MTR: variants seen among roughly 807,000 people sequenced by gnomAD.
MTR encodes the protein methionine synthase.
Under a neutral mutation model 154.8 loss-of-function variants are expected in MTR, and 84 were observed. The observed-to-expected ratio is 0.54, with a 90% CI of 0.45 to 0.65. The LOEUF (loss-of-function observed/expected upper bound fraction) is 0.65. Ranked by LOEUF, MTR falls within the 30% of genes least tolerant of loss-of-function variation. The pLI, the probability that MTR is intolerant of heterozygous loss-of-function variation, is 0.00. For synonymous variants in MTR, 554 were observed against 553.9 expected (o/e 1.00, Z 0.00); for missense variants, 1,275 against 1,570.2 (o/e 0.81, Z 3.18).
intron 28 of MTR, among the ~76,000 whole-genome samples, chr1:236,890,264 G>A (rs1323813357): frequency 6.6e-6 from 1 of 152,182 alleles, no homozygotes; most frequent in Non-Finnish European, 1.5e-5. Flanking sequence ...ATCATCACAG[G>A]TGAGCTGTCC....
In MTR at chr1:236,838,703, T is replaced by C. The variant is rs80307485; in HGVS notation, c.1515+104T>C. On this transcript the variant is annotated intron_variant, in intron 15 of 32. Transcript: ENST00000366577. ...CTACATATATACATACACATATACA[T>C]TTATCTCTTTCCATATACATTCATG... 3.9e-3 allele frequency: 4,577 copies of C among 1,174,450 alleles called. 154 individuals are homozygous for C. In the African/African-American group the frequency reaches 0.061, roughly 16 times the overall value. 72.8% of individuals were successfully genotyped at this position (1,174,450 alleles called of 1,614,324 possible).
intron 13 of MTR, among the ~76,000 whole-genome samples, chr1:236,832,737 T>C (rs1326002171): frequency 2.6e-5 from 4 of 152,202 alleles, no homozygotes; most frequent in Non-Finnish European, 4.4e-5. Flanking sequence ...TTTCCTCACT[T>C]TTTTGCAACC....
Position 236,856,356 on chromosome 1 carries a change from G to A in MTR, c.1953+3268G>A, listed in dbSNP as rs548732291. On this transcript the variant is annotated intron_variant, in intron 18 of 32. Transcript: ENST00000366577. ...ACTTTTTCTTTTTTTTTACTATCTCGTTCAGGTTTTTCAACATATGAGAGT... is the reference window on the plus strand; with the variant it reads ...ACTTTTTCTTTTTTTTTACTATCTCATTCAGGTTTTTCAACATATGAGAGT... Among the ~76,000 whole-genome samples the A allele has an allele frequency of 6.0e-4, 91 of 151,926 alleles. 1 individual carries two copies. The highest frequency in any genetic ancestry group is 1.9e-3 in the African/African-American group (80 of 41,422).
chr1:236,857,231 A>C (rs1368798017), intron 18 of MTR, among the ~76,000 whole-genome samples: 1 of 152,072 alleles, frequency 6.6e-6, no homozygotes, highest in Admixed American at 6.6e-5. Flanking sequence ...AACTGGCGTG[A>C]TATGGTATCT....
chr1:236,795,366 C>G lies in MTR; in HGVS notation c.-338C>G, dbSNP rs1255701710. On this transcript the variant is annotated 5_prime_UTR_variant, in exon 1 of 33. Transcript: ENST00000366577. ...CGGATGTCACGTCGTCCTCCTCTGC[C>G]GGTTTTCTCTTGGGTCCTTTTCCGT... 1 of 1,368,400 alleles carries G rather than the reference C, an allele frequency of 7.3e-7. No individual in the cohort carries two copies. The highest frequency in any genetic ancestry group is 9.6e-7 in the Non-Finnish European group (1 of 1,040,170). The allele number at this position is 1,368,400 out of a possible 1,614,324, so 84.8% of individuals were successfully genotyped here. A position where few individuals can be genotyped will look rare whatever the true frequency, so the allele number is the denominator to read the frequency against.
chr1:236,858,008 G>A (rs779284999), intron 18 of MTR, among the ~76,000 whole-genome samples: 7 of 152,286 alleles, frequency 4.6e-5, no homozygotes, highest in East Asian at 1.9e-4. Flanking sequence ...GAACAAATGC[G>A]AAGGCCTGGT....
At chr1:236,857,964 A>T (rs1186848339) in intron 18 of MTR, among the ~76,000 whole-genome samples, 1 of 152,228 alleles carries the variant, frequency 6.6e-6, no homozygotes, top group African/African-American at 2.4e-5. Flanking sequence ...AGAGTCTGGC[A>T]TGGTCATAGG....
Position 236,815,681 on chromosome 1 carries a change from T to C in MTR, c.669+18T>C, listed in dbSNP as rs1433964702. 1.3e-6 allele frequency: 2 copies of C among 1,548,626 alleles called. No individual in the cohort carries two copies. ...CTATCTTTGTAAGTTCTAAAGTGTT[T>C]GCACAATACATTCTTTTATTAATAA... On this transcript the variant is annotated intron_variant, in intron 7 of 32. Coordinates refer to ENST00000366577, the MANE Select transcript of MTR (RefSeq NM_000254.3).
In MTR at chr1:236,824,232, AG is replaced by A. The variant is rs753390646; in HGVS notation, c.865+18del. On this transcript the variant is annotated intron_variant, in intron 9 of 32. Coordinates refer to ENST00000366577, the MANE Select transcript of MTR (RefSeq NM_000254.3). ...TATCCCAATGCAGGTGTGTGTTTCAAGGGGGTCACACATGGGGAGATAAAAA... is the reference window on the plus strand; with the variant it reads ...TATCCCAATGCAGGTGTGTGTTTCAAGGGGTCACACATGGGGAGATAAAAA... 2.5e-6 allele frequency: 4 copies of A among 1,585,300 alleles called. No individual in the cohort carries two copies. The highest frequency in any genetic ancestry group is 1.1e-5 in the South Asian group (1 of 90,486).
chr1:236,841,753 C>G (rs755617669), intron 15 of MTR, among the ~76,000 whole-genome samples: 1 of 151,900 alleles, frequency 6.6e-6, no homozygotes, highest in Non-Finnish European at 1.5e-5. Context: ...AGAAAATGGC[C>G]GTATTCTACT....
At chr1:236,885,027 A>T in intron 25 of MTR, 94 bp from the exon 26 acceptor site, 1 of 809,674 alleles carries the variant, frequency 1.2e-6, no homozygotes, top group South Asian at 1.4e-5. Flanking sequence ...AATGAAGTTA[A>T]GGAAGCCTTC....
chr1:236,887,009 C>T (rs191431926), intron 27 of MTR, among the ~76,000 whole-genome samples: 2 of 152,252 alleles, frequency 1.3e-5, no homozygotes, highest in East Asian at 3.9e-4. Flanking sequence ...TTTCTAGCCA[C>T]CTTTCTTGCC....
chr1:236,807,756 T>C (rs1054783636), intron 3 of MTR, among the ~76,000 whole-genome samples: 44 of 152,298 alleles, frequency 2.9e-4, no homozygotes, highest in African/African-American at 1.0e-3. Context: ...TACTTTTGTG[T>C]CATTTTAGAG....
intron 1 of MTR, among the ~76,000 whole-genome samples, chr1:236,796,032 C>A (rs768120625): frequency 1.1e-4 from 16 of 152,162 alleles, no homozygotes; most frequent in Non-Finnish European, 2.4e-4. Context: ...CTTTCCAGTT[C>A]CACGCAGCAT....
chr1:236,852,904 A>G, intron 17 of MTR, 44 bp from the exon 18 acceptor site: 1 of 1,610,808 alleles, frequency 6.2e-7, no homozygotes, highest in Non-Finnish European at 8.5e-7. Flanking sequence ...TCGCTGACTT[A>G]AGGTATCACT....
chr1:236,841,276 A>C (rs1180150148), intron 15 of MTR, among the ~76,000 whole-genome samples: 2 of 152,210 alleles, frequency 1.3e-5, no homozygotes, highest in Non-Finnish European at 2.9e-5. Flanking sequence ...AATCGTTTTC[A>C]GTGCTTACAT....
chr1:236,869,017 A>G (rs573366130), intron 22 of MTR, among the ~76,000 whole-genome samples: 3 of 152,338 alleles, frequency 2.0e-5, no homozygotes, highest in South Asian at 2.1e-4. Context: ...GTTGGAAACC[A>G]TGGCTGGACT....
In MTR at chr1:236,795,621, C is replaced by T. The variant is rs1660327384; in HGVS notation, c.-83C>T. On this transcript the variant is annotated 5_prime_UTR_variant, in exon 1 of 33. Coordinates refer to ENST00000366577, the MANE Select transcript of MTR (RefSeq NM_000254.3). The stretch of plus-strand genomic sequence containing the variant: ...GTGTGGCAGGCTCGCCTGGCGCTGG[C>T]TGGCGTGGCCCTTGGCCGTCGTCAC... The T allele has an allele frequency of 6.2e-7, 1 of 1,605,730 alleles. No homozygotes were observed. The highest frequency in any genetic ancestry group is 1.7e-5 in the Admixed American group (1 of 59,672).
At chr1:236,813,158 T>G (rs1035894115) in intron 6 of MTR, among the ~76,000 whole-genome samples, 17 of 152,086 alleles carry the variant, frequency 1.1e-4, no homozygotes, top group African/African-American at 4.1e-4. Context: ...ATATATGGAG[T>G]GAAAAGTGAA....
Sources: allele counts gnomAD v4.1 joint callset (sites outside exome capture counted in the v4.1 genomes callset), GRCh38; gene constraint gnomAD v4.1.1; transcripts MANE v1.5; gene names NCBI Gene and HGNC (gene_info 2026-07-23, HGNC 2026-07-21).